The following ZNF250 variants were observed in gnomAD, a reference collection of about 807,000 sequenced individuals.
The protein encoded by ZNF250 is zinc finger protein (clone 647).
A neutral mutation model predicts 37.1 loss-of-function variants in ZNF250; 13 were observed. The observed-to-expected ratio is 0.35, with a 90% CI of 0.23 to 0.56. ZNF250 has a LOEUF of 0.56. Among genes scored for constraint, ZNF250 ranks in the 20% least tolerant of loss-of-function variants. The pLI is 0.87. For missense variants in ZNF250, 474 were observed against 697.9 expected (o/e 0.68, Z 3.61); for synonymous variants, 251 against 265.6 (o/e 0.94, Z 0.54).
chr8:144,886,350 A>G (rs1209843), intron 5 of ZNF250, among the ~76,000 whole-genome samples: 11 of 152,204 alleles, frequency 7.2e-5, no homozygotes, highest in Non-Finnish European at 1.5e-4. Context: ...CACACACACT[A>G]AACTAACTGC....
At chr8:144,883,990 G>A (rs370537371) in intron 5 of ZNF250, among the ~76,000 whole-genome samples, 5 of 149,586 alleles carry the variant, frequency 3.3e-5, no homozygotes, top group South Asian at 2.1e-4. Flanking sequence ...TGATCCTCCC[G>A]CCTTTGCCTC....
At chr8:144,889,456 G>A (rs1449804642) in intron 4 of ZNF250, 125 bp downstream of exon 4, 1 of 690,346 alleles carries the variant, frequency 1.4e-6, no homozygotes, top group Admixed American at 3.0e-5. Context: ...GCCAGATAAG[G>A]CCAGATAAGG....
chr8:144,893,373 CA>C (rs1186327628), intron 1 of ZNF250, among the ~76,000 whole-genome samples: 2 of 152,186 alleles, frequency 1.3e-5, no homozygotes, highest in Non-Finnish European at 2.9e-5. Context: ...CTCTGTCACC[CA>C]GGCTGGAGTG....
intron 4 of ZNF250, among the ~76,000 whole-genome samples, chr8:144,888,428 C>T (rs1832053598): frequency 6.6e-6 from 1 of 151,858 alleles, no homozygotes; most frequent in Non-Finnish European, 1.5e-5. Flanking sequence ...GAAATCCTGT[C>T]TCTACTAAAA....
At chr8:144,896,124 C>T (rs1586923084) in intron 1 of ZNF250, among the ~76,000 whole-genome samples, 1 of 151,756 alleles carries the variant, frequency 6.6e-6, no homozygotes, top group East Asian at 1.9e-4. Flanking sequence ...CTTTGGGAGG[C>T]CAAGGTGGGA....
At chr8:144,898,809 T>C (rs1309812998) in intron 1 of ZNF250, among the ~76,000 whole-genome samples, 1 of 152,110 alleles carries the variant, frequency 6.6e-6, no homozygotes, top group East Asian at 1.9e-4. Flanking sequence ...AAAGACAATA[T>C]GTATGGCCAA....
chr8:144,887,124 C>T (rs763731857), intron 4 of ZNF250, among the ~76,000 whole-genome samples: 4 of 151,808 alleles, frequency 2.6e-5, no homozygotes, highest in Non-Finnish European at 5.9e-5. Flanking sequence ...GTGGTGCATG[C>T]CTGTAGTCCC....
Position 144,882,761 on chromosome 8 carries a change from A to G in ZNF250, c.422T>C (p.Leu141Pro). Residue 141 changes from leucine to proline, a missense_variant, in exon 6 of 6, where the codon CTG (leucine) becomes CCG (proline). Leu to Pro is a moderately conservative substitution (Grantham distance 98, BLOSUM62 -3). This residue lies in a region of ZNF250 where 192 missense variants were observed against 227.5 expected (regional missense o/e 0.84). Transcript: ENST00000417550. This position sits in a 1 kb window ranked among gnomAD's most constrained non-coding sequence, Gnocchi z 5.5. ...AATCCTCCCCAAGGGTGTTTTCCCC[A>G]GAATCACTGTTTGCTCTGAAATTAA... is the stretch of plus-strand genomic sequence containing the variant. ...KPLISEQTVI[L>P]GKTPLGRIDQ... 3 of 1,614,060 alleles carry G rather than the reference A, an allele frequency of 1.9e-6. No individual in the cohort carries two copies. The highest frequency in any genetic ancestry group is 2.5e-6 in the Non-Finnish European group (3 of 1,179,886).
In ZNF250 at chr8:144,881,331, G is replaced by A; in HGVS notation, c.*184C>T. ...TCAAGATGTTGAGGAAAATAAAACA[G>A]GTAGTCTCTGAAGTTTTTCCACAGG... On this transcript the variant is annotated 3_prime_UTR_variant, in exon 6 of 6. Coordinates refer to ENST00000417550, the MANE Select transcript of ZNF250 (RefSeq NM_001109689.4). The A allele has an allele frequency of 1.4e-6, 1 of 738,164 alleles. No homozygotes were observed. Among genetic ancestry groups the A allele is most frequent in the African/African-American group, 1.8e-5 (1 of 56,668 alleles). 45.7% of individuals were successfully genotyped at this position (738,164 alleles called of 1,614,324 possible).
In ZNF250 at chr8:144,897,167, C is replaced by T. The variant is rs1832778795; in HGVS notation, c.-55+4232G>A. Among the ~76,000 whole-genome samples the T allele has an allele frequency of 6.6e-6, 1 of 152,182 alleles. No individual in the cohort carries two copies. Among genetic ancestry groups the T allele is most frequent in the African/African-American group, 2.4e-5 (1 of 41,436 alleles). On this transcript the variant is annotated intron_variant, in intron 1 of 5. Coordinates refer to ENST00000417550, the MANE Select transcript of ZNF250 (RefSeq NM_001109689.4). The surrounding 1 kb of genome is among the most constrained non-coding windows in gnomAD (Gnocchi z 5.2). ...CCCTGCACATGGTCACACACTGGGACAGGCACATTTGGAGTCTCCTGATCT... is the reference window on the plus strand; with the variant it reads ...CCCTGCACATGGTCACACACTGGGATAGGCACATTTGGAGTCTCCTGATCT...
At chr8:144,899,522 CA>C (rs1303044495) in intron 1 of ZNF250, among the ~76,000 whole-genome samples, 1 of 151,932 alleles carries the variant, frequency 6.6e-6, no homozygotes, top group Non-Finnish European at 1.5e-5. Flanking sequence ...TTATTATATT[CA>C]ATAAAAAAGA....
At position 144,882,081 on chromosome 8, in the gene ZNF250, C is replaced by T. The variant is rs975279379; in HGVS notation, c.1102G>A (p.Gly368Arg). ...GEKPYTCSEC[G>R]KAFSDRSVLI... ...ACTGAGCGGTCGCTGAAGGCCTTCCCACACTCGCTGCACGTGTAGGGCTTC... is the reference window on the plus strand; with the variant it reads ...ACTGAGCGGTCGCTGAAGGCCTTCCTACACTCGCTGCACGTGTAGGGCTTC... The change falls in exon 6 of 6, where the codon GGG (glycine) becomes AGG (arginine). Residue 368 changes from glycine (G) to arginine (R), a missense_variant. By Grantham distance (125) the Gly-to-Arg change is moderately radical (BLOSUM62 -2). Transcript: ENST00000417550. This position sits in a 1 kb window ranked among gnomAD's most constrained non-coding sequence, Gnocchi z 5.5. 3.7e-6 allele frequency: 6 copies of T among 1,614,088 alleles called. No individual in the cohort carries two copies. Among genetic ancestry groups the T allele is most frequent in the Non-Finnish European group, 4.2e-6 (5 of 1,179,994 alleles).
Position 144,890,267 on chromosome 8 carries a change from C to T in ZNF250, c.42+41G>A. ...ACGGGGCACGGAAGGAACCACAGGGCTCGGGCTGGGGGCACTGCATAAGCA... is the reference window on the plus strand; with the variant it reads ...ACGGGGCACGGAAGGAACCACAGGGTTCGGGCTGGGGGCACTGCATAAGCA... On this transcript the variant is annotated intron_variant, in intron 2 of 5. Coordinates refer to ENST00000417550, the MANE Select transcript of ZNF250 (RefSeq NM_001109689.4). The surrounding 1 kb of genome is among the most constrained non-coding windows in gnomAD (Gnocchi z 5.1). The T allele has an allele frequency of 6.5e-7, 1 of 1,549,576 alleles. No individual in the cohort carries two copies. The highest frequency in any genetic ancestry group is 8.8e-7 in the Non-Finnish European group (1 of 1,140,228).
intron 4 of ZNF250, among the ~76,000 whole-genome samples, chr8:144,889,000 C>G (rs1382974773): frequency 1.3e-5 from 2 of 152,124 alleles, no homozygotes; most frequent in Non-Finnish European, 2.9e-5. Flanking sequence ...GATCTCCTGA[C>G]CTCGTGATCC....
chr8:144,883,576 G>A (rs1352567670), intron 5 of ZNF250, among the ~76,000 whole-genome samples: 1 of 152,146 alleles, frequency 6.6e-6, no homozygotes, highest in African/African-American at 2.4e-5. Context: ...TTGACTTCAA[G>A]TGATTCACCC....
At chr8:144,896,601 C>T (rs1262035913) in intron 1 of ZNF250, among the ~76,000 whole-genome samples, 1 of 152,092 alleles carries the variant, frequency 6.6e-6, no homozygotes, top group South Asian at 2.1e-4. Context: ...CAACACACTC[C>T]ATCCACACTT....
chr8:144,899,332 T>C (rs76993848), intron 1 of ZNF250, among the ~76,000 whole-genome samples: 1,614 of 152,192 alleles, frequency 0.011, 32 homozygotes, highest in African/African-American at 0.037. Context: ...CACGGTAAGA[T>C]GACTACAGTT....
At chr8:144,886,617 T>C (rs545266052) in intron 5 of ZNF250, among the ~76,000 whole-genome samples, 2 of 152,286 alleles carry the variant, frequency 1.3e-5, no homozygotes, top group African/African-American at 4.8e-5. Flanking sequence ...AATGTTTAAT[T>C]ATAAAAACCC....
Position 144,889,963 on chromosome 8 carries a change from T to A in ZNF250, c.139A>T (p.Met47Leu). Residue 47 changes from methionine to leucine, a missense_variant, in exon 3 of 6, where the codon ATG becomes TTG. Physicochemically the swap from Met to Leu is conservative, Grantham distance 15. Coordinates refer to ENST00000417550, the MANE Select transcript of ZNF250 (RefSeq NM_001109689.4). ...AQRGLYRNVMMETYGNVVSLG... is the reference protein window; with the variant it reads ...AQRGLYRNVMLETYGNVVSLG... ...GAGACTACATTCCCATAGGTTTCCATCATCACATTTCTGTAGAGACCCCTC... is the reference window on the plus strand; with the variant it reads ...GAGACTACATTCCCATAGGTTTCCAACATCACATTTCTGTAGAGACCCCTC... 1 of 1,610,446 alleles carries A rather than the reference T, an allele frequency of 6.2e-7. No homozygotes were observed. The highest frequency in any genetic ancestry group is 8.5e-7 in the Non-Finnish European group (1 of 1,177,312).
Sources: gnomAD v4.1 joint callset for allele counts (sites outside exome capture counted in the v4.1 genomes callset) on GRCh38, gnomAD v4.1.1 for gene constraint, gnomAD v4.1.1 regional missense constraint, Gnocchi (gnomAD v3.1) non-coding constraint, MANE v1.5 for transcripts, NCBI Gene and HGNC (gene_info 2026-07-23, HGNC 2026-07-21) for gene names.